CPT1A: variants seen among roughly 807,000 people sequenced by gnomAD.
CPT1A encodes the protein carnitine palmitoyltransferase 1A, also known as carnitine O-palmitoyltransferase 1, liver isoform.
CPT1A carries 64 observed loss-of-function variants against 100.8 expected under a neutral mutation model. That is an observed-to-expected ratio of 0.63 (90% CI 0.52 to 0.78). The LOEUF is 0.78. CPT1A is among the 30% of genes least tolerant of loss of function. The pLI is 0.00. For synonymous variants in CPT1A, 363 were observed against 396.0 expected (o/e 0.92, Z 0.99); for missense variants, 802 against 1,034.1 (o/e 0.78, Z 3.08).
At chr11:68,810,527 C>A (rs1415421218) in intron 3 of CPT1A, among the ~76,000 whole-genome samples, 1 of 152,172 alleles carries the variant, frequency 6.6e-6, no homozygotes, top group Non-Finnish European at 1.5e-5. Context: ...CTCAGCTGGA[C>A]GCTCGATGAC....
intron 1 of CPT1A, among the ~76,000 whole-genome samples, chr11:68,824,561 G>A (rs1856672307): frequency 6.6e-6 from 1 of 152,176 alleles, no homozygotes. Flanking sequence ...GGTATTACAA[G>A]ATATTGTGGT....
chr11:68,761,550 G>A lies in CPT1A; in HGVS notation c.2013C>T (p.Ser671=), dbSNP rs755323437. 5.0e-5 allele frequency: 81 copies of A among 1,613,826 alleles called. No homozygotes were observed. The Admixed American group carries it at 1.4e-3, about 27-fold the overall frequency. ...YVVSKYLAVE[S]PFLKEVLSEP... ...AGAGACTTACTTCCTTAAGGAAAGG[G>A]GACTCCACAGCGAGATATTTAGACA... is the stretch of plus-strand genomic sequence containing the variant. Residue 671 remains serine, a synonymous_variant, in exon 16 of 19, where the codon TCC becomes TCT. Transcript: ENST00000265641.
chr11:68,787,346 G>A (rs1465492288), intron 9 of CPT1A, among the ~76,000 whole-genome samples: 1 of 151,232 alleles, frequency 6.6e-6, no homozygotes. Context: ...TGAGGCAGGA[G>A]AAGCTTGAAC....
chr11:68,771,130 A>C lies in CPT1A; in HGVS notation c.1740+2135T>G, dbSNP rs146414430. 4.8e-3 allele frequency among the ~76,000 whole-genome samples: 724 copies of C among 152,260 alleles called. 8 individuals are homozygous for C. The highest frequency in any genetic ancestry group is 0.016 in the African/African-American group (667 of 41,558). ...TCCTTTGTGGAGTCTCTGAGCTGCA[A>C]GCTCTTTGGAGTCACAAGGGTGGCT... On this transcript the variant is annotated intron_variant, in intron 14 of 18. Transcript: ENST00000265641.
intron 1 of CPT1A, among the ~76,000 whole-genome samples, chr11:68,829,439 G>A (rs1464630118): frequency 1.3e-5 from 2 of 151,984 alleles, no homozygotes; most frequent in East Asian, 1.9e-4. Flanking sequence ...TTTACACAGC[G>A]TGACCATTGG....
intron 1 of CPT1A, among the ~76,000 whole-genome samples, chr11:68,816,818 GGTGTGTGTGGTGT>G (rs1417060008): frequency 6.8e-6 from 1 of 148,054 alleles, no homozygotes; most frequent in East Asian, 2.0e-4. Context: ...ATGTGTGTGT[GGTGTGTGTGGTGT>G]ATGTGTGTGG....
chr11:68,816,212 C>T (rs150743789), intron 1 of CPT1A, among the ~76,000 whole-genome samples: 4 of 152,190 alleles, frequency 2.6e-5, no homozygotes, highest in Non-Finnish European at 5.9e-5. Flanking sequence ...CTCTGAACTT[C>T]GAGCGCAGAT....
intron 14 of CPT1A, among the ~76,000 whole-genome samples, chr11:68,764,816 G>C (rs1854740972): frequency 6.6e-6 from 1 of 152,278 alleles, no homozygotes; most frequent in Admixed American, 6.5e-5. Context: ...AAGAGCAGCG[G>C]CTTTGCAGAG....
intron 1 of CPT1A, among the ~76,000 whole-genome samples, chr11:68,820,748 C>T (rs1003544665): frequency 7.9e-5 from 12 of 152,080 alleles, no homozygotes; most frequent in African/African-American, 2.9e-4. Context: ...AAACTCCCAC[C>T]GTCCCACTCC....
chr11:68,804,844 A>G (rs1480423060), intron 4 of CPT1A, among the ~76,000 whole-genome samples: 1 of 152,190 alleles, frequency 6.6e-6, no homozygotes, highest in Admixed American at 6.5e-5. Context: ...TCTTTCCTTC[A>G]GTCATTGCCA....
At chr11:68,808,967 TA>T (rs1212667023) in intron 3 of CPT1A, among the ~76,000 whole-genome samples, 1 of 147,812 alleles carries the variant, frequency 6.8e-6, no homozygotes, top group East Asian at 2.0e-4. Context: ...AAAAAGAAAA[TA>T]AAATAAGAAA....
chr11:68,838,571 T>TAAAAAAAAAAAAAAAAAAAAAAAA lies in CPT1A; in HGVS notation c.-14+3203_-14+3204insTTTTTTTTTTTTTTTTTTTTTTTT, dbSNP rs1177976460. ...GACTCTACTCTGTATCTGCACCTTT[T>TAAAAAAAAAAAAAAAAAAAAAAAA]TAAAAAAAAAAAAAAAAAAACAGAG... On this transcript the variant is annotated intron_variant, in intron 1 of 18. Coordinates refer to ENST00000265641, the MANE Select transcript of CPT1A (RefSeq NM_001876.4). 1.8e-4 allele frequency among the ~76,000 whole-genome samples: 13 copies of TAAAAAAAAAAAAAAAAAAAAAAAA among 74,236 alleles called. No homozygotes were observed. In the East Asian group the frequency reaches 2.9e-3, roughly 16 times the overall value. The allele number at this position is 74,236 out of a possible 152,430, so 48.7% of individuals were successfully genotyped here.
intron 14 of CPT1A, among the ~76,000 whole-genome samples, chr11:68,764,037 G>C (rs1482305970): frequency 6.6e-6 from 1 of 152,216 alleles, no homozygotes; most frequent in Admixed American, 6.5e-5. Context: ...TCTGGGCCTA[G>C]AGAGGACAGC....
chr11:68,759,220 C>G (rs973472020), intron 18 of CPT1A, among the ~76,000 whole-genome samples: 2 of 151,858 alleles, frequency 1.3e-5, no homozygotes, highest in Non-Finnish European at 2.9e-5. Context: ...ATGGTGAAAC[C>G]CTGTCTCTAC....
At chr11:68,779,019 C>T (rs1349372195) in intron 12 of CPT1A, among the ~76,000 whole-genome samples, 3 of 152,010 alleles carry the variant, frequency 2.0e-5, no homozygotes, top group Admixed American at 6.6e-5. Flanking sequence ...CTCCTGACCT[C>T]GTGATCCGCC....
At chr11:68,772,517 G>C in intron 14 of CPT1A, among the ~76,000 whole-genome samples, 1 of 151,532 alleles carries the variant, frequency 6.6e-6, no homozygotes, top group African/African-American at 2.4e-5. Context: ...GGGGTTGCCA[G>C]GTGCAAGCCA....
At chr11:68,788,987 A>G in intron 9 of CPT1A, among the ~76,000 whole-genome samples, 1 of 152,190 alleles carries the variant, frequency 6.6e-6, no homozygotes. Context: ...GGGGAGAAAC[A>G]TACACAGAAT....
Position 68,815,382 on chromosome 11 carries a change from G to T in CPT1A, c.93C>A (p.Ile31=). 6.2e-7 allele frequency: 1 copy of T among 1,614,180 alleles called. No individual in the cohort carries two copies. Among genetic ancestry groups the T allele is most frequent in the Non-Finnish European group, 8.5e-7 (1 of 1,180,030 alleles). The change falls in exon 2 of 19, where the codon ATC becomes ATA. Residue 31 remains isoleucine (I), a synonymous_variant. Coordinates refer to ENST00000265641, the MANE Select transcript of CPT1A (RefSeq NM_001876.4). ...TCCAGGAATGAAGTCCAGAGAGATA[G>T]ATTTGTCTAAGAGCTTCATGGCTCA... is the stretch of plus-strand genomic sequence containing the variant. ...LRLSHEALRQ[I]YLSGLHSWKK...
intron 17 of CPT1A, 39 bp from the exon 18 acceptor site, chr11:68,759,700 G>T (rs758363979): frequency 2.1e-6 from 3 of 1,430,546 alleles, no homozygotes; most frequent in South Asian, 1.1e-5. Flanking sequence ...GCTGGGAAAT[G>T]AGACAACGTG....
Sources: gnomAD v4.1 joint callset for allele counts (sites outside exome capture counted in the v4.1 genomes callset) on GRCh38, gnomAD v4.1.1 for gene constraint, MANE v1.5 for transcripts, NCBI Gene and HGNC (gene_info 2026-07-23, HGNC 2026-07-21) for gene names.